Variants in ANKS1B observed in about 807,000 individuals in gnomAD.
The protein encoded by ANKS1B is ankyrin repeat and sterile alpha motif domain-containing protein 1B.
ANKS1B carries 36 observed loss-of-function variants against 148.3 expected under a neutral mutation model. That is an observed-to-expected ratio of 0.24 (90% CI 0.19 to 0.32). The LOEUF is 0.32. Among genes scored for constraint, ANKS1B ranks in the 10% least tolerant of loss-of-function variants. The probability of loss-of-function intolerance (pLI) is 1.00; values close to 1 mark genes in which losing one functional copy is unlikely to be tolerated. For synonymous variants in ANKS1B, 542 were observed against 560.8 expected (o/e 0.97, Z 0.47); for missense variants, 1,157 against 1,542.6 (o/e 0.75, Z 4.19).
intron 8 of ANKS1B, among the ~76,000 whole-genome samples, chr12:99,685,586 C>G (rs891199129): frequency 6.6e-6 from 1 of 152,046 alleles, no homozygotes; most frequent in Non-Finnish European, 1.5e-5. Context: ...TGGGTATCTA[C>G]CCCGTGAAAA....
At chr12:99,238,760 A>G (rs1018744898) in intron 14 of ANKS1B, among the ~76,000 whole-genome samples, 1 of 152,146 alleles carries the variant, frequency 6.6e-6, no homozygotes, top group Non-Finnish European at 1.5e-5. Context: ...TACTAGTGAT[A>G]CCCAGGCAAA....
At chr12:98,768,896 G>T (rs997508079) in intron 25 of ANKS1B, among the ~76,000 whole-genome samples, 2 of 151,906 alleles carry the variant, frequency 1.3e-5, no homozygotes, top group African/African-American at 4.8e-5. Flanking sequence ...GGGGCTCCAG[G>T]CCTCCTTTCT....
chr12:98,889,445 T>C (rs1320907632), intron 17 of ANKS1B, among the ~76,000 whole-genome samples: 4 of 151,924 alleles, frequency 2.6e-5, no homozygotes, highest in African/African-American at 9.7e-5. Context: ...CCTCCCGGGC[T>C]CAAGCGATTC....
intron 1 of ANKS1B, among the ~76,000 whole-genome samples, chr12:99,918,171 T>C (rs2094229874): frequency 6.6e-6 from 1 of 152,342 alleles, no homozygotes; most frequent in Non-Finnish European, 1.5e-5. Context: ...TACAGCGCAG[T>C]AGATGAGTCA....
chr12:99,278,042 G>A (rs1281440236), intron 12 of ANKS1B, among the ~76,000 whole-genome samples: 11 of 152,176 alleles, frequency 7.2e-5, no homozygotes, highest in Admixed American at 2.0e-4. Context: ...CTCTTCAAGC[G>A]AGGATATTAG....
At chr12:99,694,131 A>G (rs917728982) in intron 8 of ANKS1B, among the ~76,000 whole-genome samples, 4 of 150,142 alleles carry the variant, frequency 2.7e-5, no homozygotes, top group African/African-American at 9.8e-5. Flanking sequence ...TTTCTATAAA[A>G]GCATTAGAAT....
At chr12:98,756,500 G>A (rs939387435) in intron 25 of ANKS1B, among the ~76,000 whole-genome samples, 6 of 149,256 alleles carry the variant, frequency 4.0e-5, no homozygotes, top group Non-Finnish European at 1.5e-5. Context: ...ATCACTTGAG[G>A]TCAGGAGTTC....
chr12:98,792,508 T>C (rs2098886712), intron 22 of ANKS1B, among the ~76,000 whole-genome samples: 1 of 152,220 alleles, frequency 6.6e-6, no homozygotes, highest in Non-Finnish European at 1.5e-5. Context: ...CATTGTTAGC[T>C]ACAGTCACCC....
intron 11 of ANKS1B, among the ~76,000 whole-genome samples, chr12:99,406,245 T>C: frequency 6.9e-6 from 1 of 145,522 alleles, no homozygotes; most frequent in South Asian, 2.1e-4. Flanking sequence ...ACATGAATAA[T>C]TCTCAAAGAT....
intron 8 of ANKS1B, among the ~76,000 whole-genome samples, chr12:99,748,151 G>C (rs1229280646): frequency 6.6e-6 from 1 of 152,016 alleles, no homozygotes; most frequent in Non-Finnish European, 1.5e-5. Flanking sequence ...ATATGGAATA[G>C]AAAACTTCAT....
chr12:98,766,457 G>A (rs2098482262), intron 25 of ANKS1B, among the ~76,000 whole-genome samples: 1 of 152,206 alleles, frequency 6.6e-6, no homozygotes, highest in Non-Finnish European at 1.5e-5. Context: ...TTGCCACTTT[G>A]TATGCAGAAG....
At chr12:99,487,938 T>C (rs1288054987) in intron 10 of ANKS1B, among the ~76,000 whole-genome samples, 1 of 152,208 alleles carries the variant, frequency 6.6e-6, no homozygotes, top group African/African-American at 2.4e-5. Flanking sequence ...GCAAATATTG[T>C]AGATTTCTGT....
intron 9 of ANKS1B, among the ~76,000 whole-genome samples, chr12:99,528,462 C>T (rs2096953252): frequency 1.4e-5 from 2 of 143,632 alleles, no homozygotes; most frequent in South Asian, 4.4e-4. Flanking sequence ...AAACCATCAA[C>T]AGAGTAAACA....
chr12:99,348,859 A>G (rs2091070715), intron 12 of ANKS1B, among the ~76,000 whole-genome samples: 1 of 151,986 alleles, frequency 6.6e-6, no homozygotes. Flanking sequence ...AGAAATAAAA[A>G]TCACCAGTAA....
intron 17 of ANKS1B, among the ~76,000 whole-genome samples, chr12:98,944,028 G>A (rs535464889): frequency 3.9e-5 from 6 of 152,266 alleles, no homozygotes; most frequent in Admixed American, 2.0e-4. Context: ...GGCTGGGCAC[G>A]GTGGCTCATG....
At chr12:99,154,873 A>T in intron 14 of ANKS1B, 1 of 1,534,740 alleles carries the variant, frequency 6.5e-7, no homozygotes, top group Non-Finnish European at 8.7e-7. Context: ...TACCCAGCCC[A>T]GGCTACACCT....
intron 14 of ANKS1B, among the ~76,000 whole-genome samples, chr12:99,159,599 A>G (rs534290572): frequency 6.6e-6 from 1 of 152,302 alleles, no homozygotes; most frequent in Non-Finnish European, 1.5e-5. Context: ...AATGGTATAT[A>G]TGTACCATGT....
chr12:99,749,883 A>G (rs1448125993), intron 8 of ANKS1B, among the ~76,000 whole-genome samples: 1 of 152,108 alleles, frequency 6.6e-6, no homozygotes, highest in Non-Finnish European at 1.5e-5. Flanking sequence ...AAGGAATTCT[A>G]AAGCAAATCA....
intron 15 of ANKS1B, among the ~76,000 whole-genome samples, chr12:99,126,970 G>A (rs931134901): frequency 7.9e-5 from 12 of 152,054 alleles, no homozygotes; most frequent in African/African-American, 2.9e-4. Context: ...GAGTCATGAT[G>A]GAAACCTTGA....
Sources: gnomAD v4.1 joint callset for allele counts (sites outside exome capture counted in the v4.1 genomes callset) on GRCh38, gnomAD v4.1.1 for gene constraint, MANE v1.5 for transcripts, NCBI Gene and HGNC (gene_info 2026-07-23, HGNC 2026-07-21) for gene names.